Variants in PTPN3 observed in about 807,000 individuals in gnomAD.
PTPN3 encodes the protein protein tyrosine phosphatase non-receptor type 3.
A neutral mutation model predicts 132.7 loss-of-function variants in PTPN3; 96 were observed. The ratio of observed to expected loss-of-function variants is 0.72; its 90% CI spans 0.61 to 0.86. The LOEUF (loss-of-function observed/expected upper bound fraction) is 0.86. PTPN3 is among the 40% of genes least tolerant of loss of function. The probability of loss-of-function intolerance (pLI) is 0.00; values close to 1 mark genes in which losing one functional copy is unlikely to be tolerated. For missense variants in PTPN3, 1,125 were observed against 1,159.6 expected, an observed-to-expected ratio of 0.97 and a Z score of 0.43; for synonymous variants, 398 against 429.0, an observed-to-expected ratio of 0.93 and a Z score of 0.89.
chr9:109,530,675 C>G, the PTPN3 span, among the ~76,000 whole-genome samples: 2 of 152,218 alleles, frequency 1.3e-5, no homozygotes, highest in African/African-American at 4.8e-5. Flanking sequence ...TACATTCCCA[C>G]CAGCAGTGCA....
intron 1 of PTPN3, among the ~76,000 whole-genome samples, chr9:109,475,468 T>C (rs915045099): frequency 3.9e-5 from 6 of 152,204 alleles, no homozygotes; most frequent in African/African-American, 1.4e-4. Context: ...CAATGGAATA[T>C]GTTTTACATT....
chr9:109,515,834 A>G, the PTPN3 span, among the ~76,000 whole-genome samples: 1 of 152,232 alleles, frequency 6.6e-6, no homozygotes, highest in Non-Finnish European at 1.5e-5. Context: ...GCACCAAGCC[A>G]TTCATGAGGT....
At chr9:109,463,562 G>T in intron 1 of PTPN3, 111 bp from the exon 2 acceptor site, 1 of 987,754 alleles carries the variant, frequency 1.0e-6, no homozygotes, top group Non-Finnish European at 1.5e-6. Context: ...CGGACTCACA[G>T]ATAATGAGAA....
intron 2 of PTPN3, among the ~76,000 whole-genome samples, 155 bp from the exon 3 acceptor site, chr9:109,457,554 C>A (rs1845627317): frequency 6.6e-6 from 1 of 152,240 alleles, no homozygotes; most frequent in South Asian, 2.1e-4. Flanking sequence ...TAAGAAGCCA[C>A]ACAGCACATA....
the PTPN3 span, among the ~76,000 whole-genome samples, chr9:109,530,707 A>T: frequency 6.6e-6 from 1 of 152,142 alleles, no homozygotes; most frequent in Non-Finnish European, 1.5e-5. Flanking sequence ...ATTTCTCCAC[A>T]TCCTTTTCCT....
chr9:109,470,257 C>T (rs930399587), intron 1 of PTPN3, among the ~76,000 whole-genome samples: 10 of 152,162 alleles, frequency 6.6e-5, no homozygotes, highest in South Asian at 2.1e-4. Flanking sequence ...TGTTCTCTCT[C>T]GTCACTGTAG....
chr9:109,395,409 TTA>T (rs1564387382), intron 19 of PTPN3, among the ~76,000 whole-genome samples: 1 of 152,232 alleles, frequency 6.6e-6, no homozygotes, highest in Non-Finnish European at 1.5e-5. Flanking sequence ...ACACTCATAT[TTA>T]TGTCTGCAAA....
intron 6 of PTPN3, among the ~76,000 whole-genome samples, chr9:109,445,826 T>G (rs1844817738): frequency 6.6e-6 from 1 of 152,228 alleles, no homozygotes; most frequent in African/African-American, 2.4e-5. Context: ...TTAAATTAAC[T>G]AATTACGATG....
intron 1 of PTPN3, among the ~76,000 whole-genome samples, chr9:109,467,196 C>A (rs765068484): frequency 1.3e-5 from 2 of 152,058 alleles, no homozygotes; most frequent in Admixed American, 6.5e-5. Flanking sequence ...TTCCATAATG[C>A]TTTAACCACA....
rs934314778 is a variant in PTPN3 at position 109,450,285 on chromosome 9, A to G, written c.369-1430T>C. The G allele has an allele frequency of 4.1e-6, 4 of 985,386 alleles. No homozygotes were observed. In the Middle Eastern group the frequency reaches 1.6e-3, roughly 386 times the overall value. The allele number at this position is 985,386 out of a possible 1,614,324, so 61.0% of individuals were successfully genotyped here. ...CTCCATCTTTTCCACCTAGGAGAAC[A>G]TCATCAGTTCTTTCTAGTTTGTTTC... On this transcript the variant is annotated intron_variant, in intron 5 of 25. Coordinates refer to ENST00000374541, the MANE Select transcript of PTPN3 (RefSeq NM_002829.4).
At chr9:109,433,867 G>A (rs1475261922) in intron 9 of PTPN3, among the ~76,000 whole-genome samples, 3 of 146,726 alleles carry the variant, frequency 2.0e-5, no homozygotes, top group East Asian at 2.1e-4. Context: ...GCAGTGAGCC[G>A]TGATTGTGCC....
chr9:109,410,052 C>G lies in PTPN3; in HGVS notation c.1525G>C (p.Val509Leu). 6.2e-7 allele frequency: 1 copy of G among 1,614,228 alleles called. No individual in the cohort carries two copies. The highest frequency in any genetic ancestry group is 1.3e-5 in the African/African-American group (1 of 75,056). Reference protein sequence around the residue: ...DKNDNGDSYLVLIRITPDEDG... With the variant: ...DKNDNGDSYLLLIRITPDEDG... ...TCATCTGGTGTGATACGGATCAAGA[C>G]TAAGTAGCTGTCACCATTATCATTC... Residue 509 changes from valine to leucine, a missense_variant, in exon 16 of 26, where the codon GTC (valine) becomes CTC (leucine). By Grantham distance (32) the Val-to-Leu change is conservative (BLOSUM62 1). Coordinates refer to ENST00000374541, the MANE Select transcript of PTPN3 (RefSeq NM_002829.4).
intron 23 of PTPN3, among the ~76,000 whole-genome samples, chr9:109,382,823 G>A (rs1839227355): frequency 6.8e-6 from 1 of 146,768 alleles, no homozygotes; most frequent in Non-Finnish European, 1.5e-5. Flanking sequence ...ACATTTAAAT[G>A]TACAGTTCAG....
intron 19 of PTPN3, among the ~76,000 whole-genome samples, chr9:109,393,393 T>C (rs151325131): frequency 0.037 from 5,484 of 149,098 alleles, 140 homozygotes; most frequent in East Asian, 0.15. Flanking sequence ...TCTTTTTTTT[T>C]TTTTTTTTTT....
chr9:109,490,451 G>C (rs1847406560), intron 1 of PTPN3, among the ~76,000 whole-genome samples: 1 of 152,000 alleles, frequency 6.6e-6, no homozygotes, highest in African/African-American at 2.4e-5. Flanking sequence ...AAAACGTCAA[G>C]GTCTGGCTGG....
At chr9:109,459,021 T>A (rs546997122) in intron 2 of PTPN3, among the ~76,000 whole-genome samples, 1 of 152,300 alleles carries the variant, frequency 6.6e-6, no homozygotes, top group South Asian at 2.1e-4. Flanking sequence ...CCTTGCACCA[T>A]CAGCAGAAGG....
chr9:109,455,127 T>C (rs1313032848), intron 4 of PTPN3, among the ~76,000 whole-genome samples: 2 of 152,200 alleles, frequency 1.3e-5, no homozygotes, highest in Admixed American at 6.5e-5. Flanking sequence ...CTATACCACA[T>C]TTCAAAATCA....
chr9:109,533,775 G>T, the PTPN3 span: 1 of 1,287,382 alleles, frequency 7.8e-7, no homozygotes, highest in Non-Finnish European at 1.1e-6. Flanking sequence ...CTGTAGGGCC[G>T]GCGTGGTTGA....
At chr9:109,394,766 G>A (rs1840426041) in intron 19 of PTPN3, among the ~76,000 whole-genome samples, 1 of 152,158 alleles carries the variant, frequency 6.6e-6, no homozygotes, top group South Asian at 2.1e-4. Context: ...GTATACATGT[G>A]TATATGATAT....
Sources: gnomAD v4.1 joint callset for allele counts (sites outside exome capture counted in the v4.1 genomes callset) on GRCh38, gnomAD v4.1.1 for gene constraint, MANE v1.5 for transcripts, NCBI Gene and HGNC (gene_info 2026-07-23, HGNC 2026-07-21) for gene names.